CEP89: variants seen among roughly 807,000 people sequenced by gnomAD.
CEP89 encodes centrosomal protein 89.
In CEP89, 95 loss-of-function variants were observed where a neutral mutation model predicts 97.6. The observed-to-expected ratio is 0.97, with a 90% CI of 0.82 to 1.15. CEP89 has a LOEUF of 1.15. Among genes scored for constraint, CEP89 ranks in the 50% most tolerant of loss-of-function variants. CEP89 has a pLI of 0.00. For synonymous variants in CEP89, 354 were observed against 349.1 expected (o/e 1.01, Z -0.16); for missense variants, 869 against 947.7 (o/e 0.92, Z 1.09).
intron 11 of CEP89, 62 bp from the exon 12 acceptor site, chr19:32,923,604 C>A: frequency 9.5e-7 from 1 of 1,050,144 alleles, no homozygotes; most frequent in Non-Finnish European, 1.5e-6. Context: ...TTTCTCAGTT[C>A]TGGTGCTGCT....
At chr19:32,907,085 C>A (rs947850891) in intron 14 of CEP89, among the ~76,000 whole-genome samples, 2 of 152,198 alleles carry the variant, frequency 1.3e-5, no homozygotes, top group African/African-American at 4.8e-5. Flanking sequence ...AGGGGCCAGG[C>A]ATGGTGGCTC....
chr19:32,929,961 T>C (rs1279213354), intron 9 of CEP89, among the ~76,000 whole-genome samples: 2 of 151,884 alleles, frequency 1.3e-5, no homozygotes, highest in East Asian at 1.9e-4. Context: ...GCTGGAGGAA[T>C]TGGGCAGCAG....
intron 7 of CEP89, among the ~76,000 whole-genome samples, chr19:32,935,816 C>T (rs1970568416): frequency 1.3e-5 from 2 of 152,096 alleles, no homozygotes; most frequent in African/African-American, 4.8e-5. Context: ...CGGCTGCAGA[C>T]CCGAGAATCT....
intron 9 of CEP89, among the ~76,000 whole-genome samples, chr19:32,927,875 G>T (rs922088003): frequency 2.3e-4 from 34 of 150,168 alleles, no homozygotes; most frequent in African/African-American, 8.3e-4. Flanking sequence ...ACAGTGCTGG[G>T]ATTGCAAGTG....
chr19:32,933,739 C>T, intron 7 of CEP89, 70 bp from the exon 8 acceptor site: 2 of 1,071,314 alleles, frequency 1.9e-6, no homozygotes, highest in Non-Finnish European at 2.8e-6. Context: ...AATCAACTGA[C>T]TTTGTTCCAA....
chr19:32,910,072 C>T (rs1969966080), intron 14 of CEP89, among the ~76,000 whole-genome samples: 1 of 152,242 alleles, frequency 6.6e-6, no homozygotes, highest in South Asian at 2.1e-4. Flanking sequence ...ACCAGCCTGG[C>T]CAACATGGTG....
At chr19:32,913,977 T>C (rs1433661038) in intron 14 of CEP89, among the ~76,000 whole-genome samples, 2 of 152,182 alleles carry the variant, frequency 1.3e-5, no homozygotes, top group African/African-American at 4.8e-5. Flanking sequence ...AATCATTTTC[T>C]ATGTGCTGTT....
rs1599699788 is a variant in CEP89 at position 32,876,780 on chromosome 19, T to C, written c.*2382A>G. 6.6e-6 allele frequency: 1 copy of C among 152,274 alleles called. No individual in the cohort carries two copies. The highest frequency in any genetic ancestry group is 2.1e-4 in the South Asian group (1 of 4,834). 9.4% of individuals were successfully genotyped at this position (152,274 alleles called of 1,614,324 possible). ...GAGGCTGGGCAGAAGATAGTGTCTG[T>C]GGGACACCTGCCCTTGCCCTGGTCA... On this transcript the variant is annotated 3_prime_UTR_variant, in exon 19 of 19. Transcript: ENST00000305768.
At chr19:32,916,871 G>A (rs888317819) in intron 13 of CEP89, among the ~76,000 whole-genome samples, 2 of 152,092 alleles carry the variant, frequency 1.3e-5, no homozygotes, top group Non-Finnish European at 2.9e-5. Context: ...AGCCGGGAGT[G>A]GTGGCGCGTG....
chr19:32,906,562 C>G (rs974977412), intron 14 of CEP89, among the ~76,000 whole-genome samples: 4 of 151,990 alleles, frequency 2.6e-5, no homozygotes, highest in Non-Finnish European at 4.4e-5. Context: ...TATATATTTA[C>G]CACTATCATT....
chr19:32,879,469 C>T (rs189985160), intron 18 of CEP89, 91 bp from the exon 19 acceptor site: 316 of 1,080,580 alleles, frequency 2.9e-4, no homozygotes, highest in African/African-American at 2.3e-3. Flanking sequence ...AACAGAAGAA[C>T]GCTATCAGCA....
chr19:32,938,416 A>T (rs1234053534), intron 6 of CEP89, among the ~76,000 whole-genome samples: 1 of 152,200 alleles, frequency 6.6e-6, no homozygotes, highest in African/African-American at 2.4e-5. Context: ...AAATGCTGAG[A>T]AAGGAACAGT....
intron 4 of CEP89, among the ~76,000 whole-genome samples, chr19:32,950,675 C>T (rs182148746): frequency 4.6e-5 from 7 of 152,302 alleles, no homozygotes; most frequent in African/African-American, 1.7e-4. Context: ...CATACCATTC[C>T]TCAGTATATA....
chr19:32,943,173 T>A (rs1179196629), intron 5 of CEP89, among the ~76,000 whole-genome samples: 2 of 152,238 alleles, frequency 1.3e-5, no homozygotes, highest in Admixed American at 1.3e-4. Context: ...ATTTTTTACA[T>A]TTTTGTAGAA....
rs979645711 is a variant in CEP89 at position 32,929,890 on chromosome 19, A to G, written c.1029+1539T>C. ...GTCTTGTATGATTTCATTTCTATGA[A>G]ATGTTCAGAACAGACAAGTTCATAG... On this transcript the variant is annotated intron_variant, in intron 9 of 18. Transcript: ENST00000305768. Among the ~76,000 whole-genome samples, 3 of 152,228 alleles carry G rather than the reference A, an allele frequency of 2.0e-5. 1 individual carries two copies. The highest frequency in any genetic ancestry group is 7.2e-5 in the African/African-American group (3 of 41,468).
intron 3 of CEP89, among the ~76,000 whole-genome samples, chr19:32,956,049 C>CTTTTTTTTT (rs202179963): frequency 9.5e-5 from 10 of 105,756 alleles, no homozygotes; most frequent in African/African-American, 2.2e-4. Flanking sequence ...CAATTTGGTT[C>CTTTTTTTTT]TTTTTTTTTT....
At position 32,920,547 on chromosome 19, in the gene CEP89, G is replaced by A. The variant is rs1224334951; in HGVS notation, c.1269-2208C>T. ...TGCCCAGGCTGGAGTGCAGTGGCAC[G>A]ATCTAGGCTCACTGCAGCCTCCACC... On this transcript the variant is annotated intron_variant, in intron 12 of 18. Coordinates refer to ENST00000305768, the MANE Select transcript of CEP89 (RefSeq NM_032816.5). Among the ~76,000 whole-genome samples the A allele has an allele frequency of 3.3e-5, 5 of 151,960 alleles. 1 individual carries two copies. The highest frequency in any genetic ancestry group is 7.4e-5 in the Non-Finnish European group (5 of 67,998).
At chr19:32,913,476 A>AC (rs1970056314) in intron 14 of CEP89, among the ~76,000 whole-genome samples, 2 of 151,966 alleles carry the variant, frequency 1.3e-5, no homozygotes, top group Non-Finnish European at 2.9e-5. Context: ...ATACACATGT[A>AC]ATTATACAAA....
At chr19:32,952,270 C>T (rs2145956558) in intron 4 of CEP89, among the ~76,000 whole-genome samples, 1 of 149,966 alleles carries the variant, frequency 6.7e-6, no homozygotes, top group South Asian at 2.1e-4. Context: ...TGCTTAAGCC[C>T]AGGAGTTCAA....
Sources: gnomAD v4.1 joint callset for allele counts (sites outside exome capture counted in the v4.1 genomes callset) on GRCh38, gnomAD v4.1.1 for gene constraint, MANE v1.5 for transcripts, NCBI Gene and HGNC (gene_info 2026-07-23, HGNC 2026-07-21) for gene names.